Variants in IMMP2L observed in about 807,000 individuals in gnomAD.
The protein encoded by IMMP2L is mitochondrial inner membrane protease subunit 2.
A neutral mutation model predicts 19.3 loss-of-function variants in IMMP2L; 18 were observed. The ratio of observed to expected loss-of-function variants is 0.93; its 90% CI spans 0.64 to 1.38. The LOEUF (loss-of-function observed/expected upper bound fraction) is 1.38. Ranked by LOEUF, IMMP2L falls within the 40% of genes most tolerant of loss-of-function variation. IMMP2L has a pLI of 0.00. For missense variants in IMMP2L, 233 were observed against 218.2 expected, an observed-to-expected ratio of 1.07 and a Z score of -0.43; for synonymous variants, 76 against 73.0, an observed-to-expected ratio of 1.04 and a Z score of -0.21.
chr7:110,729,430 G>A (rs141021931), intron 5 of IMMP2L, among the ~76,000 whole-genome samples: 1,660 of 152,124 alleles, frequency 0.011, 25 homozygotes, highest in South Asian at 0.048. Context: ...TCACTATCAC[G>A]AGAATAGCAT....
intron 3 of IMMP2L, among the ~76,000 whole-genome samples, chr7:111,283,970 CAAAAAAAAAAAA>C (rs972346409): frequency 2.1e-5 from 1 of 48,618 alleles, no homozygotes; most frequent in South Asian, 7.8e-4. Context: ...GACTCCGTCT[CAAAAAAAAAAAA>C]AAAAAAAAAA....
chr7:110,791,735 A>T (rs1023256300), intron 5 of IMMP2L, among the ~76,000 whole-genome samples: 2 of 151,822 alleles, frequency 1.3e-5, no homozygotes, highest in African/African-American at 4.9e-5. Flanking sequence ...CAATTGCCAG[A>T]TGCTCTCTGA....
At chr7:111,488,504 A>G (rs181032202) in intron 2 of IMMP2L, among the ~76,000 whole-genome samples, 102 of 152,286 alleles carry the variant, frequency 6.7e-4, no homozygotes, top group African/African-American at 2.4e-3. Flanking sequence ...ATTGCTGTGA[A>G]TAACATTATT....
At chr7:111,510,893 T>C (rs1845379042) in intron 2 of IMMP2L, among the ~76,000 whole-genome samples, 1 of 152,120 alleles carries the variant, frequency 6.6e-6, no homozygotes, top group African/African-American at 2.4e-5. Context: ...TAAACTTTGT[T>C]TTCCTGAGCC....
chr7:111,238,817 G>C (rs554454126), intron 3 of IMMP2L, among the ~76,000 whole-genome samples: 2 of 151,928 alleles, frequency 1.3e-5, no homozygotes, highest in Non-Finnish European at 2.9e-5. Context: ...TGAGTAGCTT[G>C]AGTTCAATTT....
At chr7:111,553,280 A>G (rs999854888) in intron 1 of IMMP2L, among the ~76,000 whole-genome samples, 2 of 152,166 alleles carry the variant, frequency 1.3e-5, no homozygotes, top group African/African-American at 4.8e-5. Flanking sequence ...ATTTGTCATT[A>G]AACAATACCA....
At position 110,760,803 on chromosome 7, in the gene IMMP2L, C is replaced by A. The variant is rs1798308116; in HGVS notation, c.409-97082G>T. On this transcript the variant is annotated intron_variant, in intron 5 of 5. Transcript: ENST00000405709. This position sits in a 1 kb window ranked among gnomAD's most constrained non-coding sequence, Gnocchi z 4.2. ...CTGACTAAACACCTATTTCTTACTA[C>A]AAGTGTAGAACGCCAGATAGGATCA... Among the ~76,000 whole-genome samples, 1 of 152,112 alleles carries A rather than the reference C, an allele frequency of 6.6e-6. No homozygotes were observed. The highest frequency in any genetic ancestry group is 2.1e-4 in the South Asian group (1 of 4,828).
Position 110,690,806 on chromosome 7 carries a change from T to TA in IMMP2L, c.409-27086dup, listed in dbSNP as rs912617217. ...TACAAGGAGAACTATAAAACACTGC[T>TA]AAAAAAAAAATAGATAACACAAACA... On this transcript the variant is annotated intron_variant, in intron 5 of 5. Coordinates refer to ENST00000405709, the MANE Select transcript of IMMP2L (RefSeq NM_032549.4). Among the ~76,000 whole-genome samples, 393 of 147,860 alleles carry TA rather than the reference T, an allele frequency of 2.7e-3. 1 individual carries two copies. The highest frequency in any genetic ancestry group is 5.1e-3 in the East Asian group (26 of 5,070).
intron 3 of IMMP2L, among the ~76,000 whole-genome samples, chr7:111,255,835 T>G (rs1816635753): frequency 1.3e-5 from 2 of 152,040 alleles, no homozygotes; most frequent in Admixed American, 1.3e-4. Flanking sequence ...GCTTTATAAT[T>G]CTTTCCAAGA....
At chr7:111,408,026 A>G (rs539630579) in intron 3 of IMMP2L, among the ~76,000 whole-genome samples, 2 of 152,142 alleles carry the variant, frequency 1.3e-5, no homozygotes, top group South Asian at 2.1e-4. Context: ...TAACTCAGGC[A>G]TGGGAAAATT....
At chr7:111,545,685 T>C (rs186276792) in intron 1 of IMMP2L, among the ~76,000 whole-genome samples, 14 of 152,316 alleles carry the variant, frequency 9.2e-5, no homozygotes, top group South Asian at 2.1e-4. Context: ...ATCAGATACA[T>C]GAACTGCAGG....
intron 5 of IMMP2L, among the ~76,000 whole-genome samples, chr7:110,698,212 T>C (rs542104342): frequency 9.9e-5 from 15 of 152,262 alleles, no homozygotes; most frequent in Middle Eastern, 3.4e-3. Context: ...AGAGTCTATA[T>C]GGAATTGTAA....
chr7:110,780,147 C>T (rs545622199), intron 5 of IMMP2L, among the ~76,000 whole-genome samples: 13 of 151,516 alleles, frequency 8.6e-5, no homozygotes, highest in African/African-American at 2.7e-4. Flanking sequence ...CTGAGATATC[C>T]TGGTTCCTTT....
chr7:111,083,933 A>T (rs2129576762), intron 3 of IMMP2L, among the ~76,000 whole-genome samples: 1 of 152,342 alleles, frequency 6.6e-6, no homozygotes, highest in South Asian at 2.1e-4. Context: ...TAAATATAAC[A>T]ACAAAAATAC....
chr7:110,793,826 A>G (rs1256798024), intron 5 of IMMP2L, among the ~76,000 whole-genome samples: 1 of 152,122 alleles, frequency 6.6e-6, no homozygotes, highest in Non-Finnish European at 1.5e-5. Context: ...ATATCAAAAC[A>G]TCACGTTTTA....
At chr7:110,851,418 A>T (rs1254393034) in intron 5 of IMMP2L, among the ~76,000 whole-genome samples, 1 of 152,148 alleles carries the variant, frequency 6.6e-6, no homozygotes, top group East Asian at 1.9e-4. Context: ...ACTTTGGCCA[A>T]TGGGAGACAG....
chr7:111,357,196 T>C (rs1354959867), intron 3 of IMMP2L, among the ~76,000 whole-genome samples: 2 of 152,136 alleles, frequency 1.3e-5, no homozygotes. Context: ...CACACATCTG[T>C]GTTGTTCTTT....
intron 5 of IMMP2L, among the ~76,000 whole-genome samples, chr7:110,816,819 G>T (rs1314984851): frequency 6.6e-6 from 1 of 151,638 alleles, no homozygotes; most frequent in Non-Finnish European, 1.5e-5. Flanking sequence ...CATTTGCTTG[G>T]TAGATCTTCC....
chr7:111,065,714 C>T (rs1199111201), intron 3 of IMMP2L, among the ~76,000 whole-genome samples: 1 of 152,176 alleles, frequency 6.6e-6, no homozygotes, highest in Non-Finnish European at 1.5e-5. Flanking sequence ...ACATCGGACT[C>T]CAAGTTCTCC....
Sources: allele counts gnomAD v4.1 joint callset (sites outside exome capture counted in the v4.1 genomes callset), GRCh38; gene constraint gnomAD v4.1.1; non-coding constraint Gnocchi (gnomAD v3.1); transcripts MANE v1.5; gene names NCBI Gene and HGNC (gene_info 2026-07-23, HGNC 2026-07-21).